SDK1: variants seen among roughly 807,000 people sequenced by gnomAD.
SDK1 encodes the protein sidekick cell adhesion molecule 1.
A neutral mutation model predicts 245.5 loss-of-function variants in SDK1; 157 were observed. That is an observed-to-expected ratio of 0.64 (90% CI 0.56 to 0.73). SDK1 has a LOEUF of 0.73. Among genes scored for constraint, SDK1 ranks in the 30% least tolerant of loss-of-function variants. The probability of loss-of-function intolerance (pLI) is 0.00; values close to 1 mark genes in which losing one functional copy is unlikely to be tolerated. For synonymous variants in SDK1, 1,647 were observed against 1,278.5 expected (o/e 1.29, Z -6.15); for missense variants, 3,583 against 3,002.3 (o/e 1.19, Z -4.52).
intron 28 of SDK1, among the ~76,000 whole-genome samples, chr7:4,137,985 G>A (rs2128203010): frequency 6.6e-6 from 1 of 152,310 alleles, no homozygotes; most frequent in African/African-American, 2.4e-5. Context: ...AACGTGTCAA[G>A]GTGAGCTATA....
At chr7:4,199,001 A>G (rs1783740535) in intron 35 of SDK1, among the ~76,000 whole-genome samples, 1 of 151,760 alleles carries the variant, frequency 6.6e-6, no homozygotes, top group Admixed American at 6.6e-5. Flanking sequence ...TTTAGTAGAG[A>G]CGGGGGTTTC....
At position 4,263,503 on chromosome 7, in the gene SDK1, G is replaced by T. The variant is rs1181108141; in HGVS notation, c.6382-1621G>T. ...GCGTAGATCTCTCCTGAGTGGGGAGGCCACGTAGACCTCTCCTGAGTGGGG... is the reference window on the plus strand; with the variant it reads ...GCGTAGATCTCTCCTGAGTGGGGAGTCCACGTAGACCTCTCCTGAGTGGGG... On this transcript the variant is annotated intron_variant, in intron 44 of 44. Coordinates refer to ENST00000404826, the MANE Select transcript of SDK1 (RefSeq NM_152744.4). 2.8e-5 allele frequency among the ~76,000 whole-genome samples: 4 copies of T among 141,170 alleles called. No individual in the cohort carries two copies. In the South Asian group the frequency reaches 9.8e-4, roughly 35 times the overall value. 92.6% of individuals were successfully genotyped at this position (141,170 alleles called of 152,430 possible).
At chr7:3,535,111 T>C (rs1425335036) in intron 1 of SDK1, among the ~76,000 whole-genome samples, 1 of 151,848 alleles carries the variant, frequency 6.6e-6, no homozygotes, top group African/African-American at 2.4e-5. Context: ...CCGTCTCTAC[T>C]TAAAAATACA....
chr7:3,517,556 G>A (rs1440029564), intron 1 of SDK1, among the ~76,000 whole-genome samples: 1 of 152,162 alleles, frequency 6.6e-6, no homozygotes, highest in Non-Finnish European at 1.5e-5. Context: ...AGCCCACAAC[G>A]ACTTAGGGAG....
intron 32 of SDK1, among the ~76,000 whole-genome samples, chr7:4,170,635 A>G (rs1384448951): frequency 6.6e-6 from 1 of 152,246 alleles, no homozygotes; most frequent in Middle Eastern, 3.4e-3. Context: ...GCCCACTCCT[A>G]GCACAAGGGA....
intron 4 of SDK1, among the ~76,000 whole-genome samples, chr7:3,647,478 T>A (rs1303478599): frequency 6.6e-6 from 1 of 152,186 alleles, no homozygotes; most frequent in Non-Finnish European, 1.5e-5. Context: ...TGGAGTGAAG[T>A]TGAAGTGGCA....
intron 4 of SDK1, among the ~76,000 whole-genome samples, chr7:3,674,918 AGGGCATTTG>A (rs1783843989): frequency 6.6e-6 from 1 of 152,174 alleles, no homozygotes. Flanking sequence ...TAGGGAGTAG[AGGGCATTTG>A]GTATCCTTCC....
At position 4,145,799 on chromosome 7, in the gene SDK1, C is replaced by A. The variant is rs1779929192; in HGVS notation, c.4306C>A (p.Gln1436Lys). The A allele has an allele frequency of 1.9e-6, 3 of 1,613,748 alleles. No homozygotes were observed. The highest frequency in any genetic ancestry group is 1.3e-5 in the African/African-American group (1 of 74,904). ...TTVEVGATVR[Q>K]FTATDLAPES... ...CGTGGAGGTCGGCGCCACAGTGAGGCAGTTCACAGCCACCGACCTGGCCCC... is the reference window on the plus strand; with the variant it reads ...CGTGGAGGTCGGCGCCACAGTGAGGAAGTTCACAGCCACCGACCTGGCCCC... Residue 1436 changes from glutamine (Q) to lysine (K), a missense_variant, in exon 29 of 45, where the codon CAG becomes AAG. Transcript: ENST00000404826.
rs146954640 is a variant in SDK1 at position 4,088,625 on chromosome 7, T to C, written c.3324+9041T>C. Among the ~76,000 whole-genome samples, 4 of 152,264 alleles carry C rather than the reference T, an allele frequency of 2.6e-5. No individual in the cohort carries two copies. The East Asian group carries it at 7.7e-4, about 29-fold the overall frequency. On this transcript the variant is annotated intron_variant, in intron 22 of 44. Transcript: ENST00000404826. ...TTTTCTCATCTATTGAGCTGCTCAT[T>C]TGGTTTTTCTGATTTCATCTGTTGG... is the stretch of plus-strand genomic sequence containing the variant.
At chr7:3,424,789 T>A (rs1351377597) in intron 1 of SDK1, among the ~76,000 whole-genome samples, 2 of 151,920 alleles carry the variant, frequency 1.3e-5, no homozygotes, top group Admixed American at 1.3e-4. Context: ...CCTAGCTGCT[T>A]GGGAGACTGA....
At chr7:3,897,371 C>G (rs1372090639) in intron 5 of SDK1, among the ~76,000 whole-genome samples, 1 of 152,140 alleles carries the variant, frequency 6.6e-6, no homozygotes, top group East Asian at 1.9e-4. Flanking sequence ...TCTCCCCTTC[C>G]CCAGCCCCTG....
intron 4 of SDK1, among the ~76,000 whole-genome samples, chr7:3,804,094 A>G (rs1020947588): frequency 6.6e-6 from 1 of 152,170 alleles, no homozygotes; most frequent in Non-Finnish European, 1.5e-5. Flanking sequence ...TCTTTCACAG[A>G]ACAAAACATT....
chr7:4,122,643 G>A (rs909747863), intron 25 of SDK1, among the ~76,000 whole-genome samples: 4 of 152,134 alleles, frequency 2.6e-5, no homozygotes, highest in African/African-American at 7.2e-5. Flanking sequence ...CTTAAAAACC[G>A]AGAGAGACCA....
At chr7:3,938,466 C>A (rs1487999419) in intron 5 of SDK1, among the ~76,000 whole-genome samples, 2 of 152,038 alleles carry the variant, frequency 1.3e-5, no homozygotes, top group East Asian at 3.9e-4. Context: ...CACGGTGAAA[C>A]CCTGTCTCTA....
intron 1 of SDK1, among the ~76,000 whole-genome samples, chr7:3,612,542 A>G (rs1781625913): frequency 6.6e-6 from 1 of 152,178 alleles, no homozygotes; most frequent in Non-Finnish European, 1.5e-5. Context: ...CATTTCTCAG[A>G]ATAGTTGTTC....
intron 13 of SDK1, among the ~76,000 whole-genome samples, chr7:3,983,036 G>T (rs1783539124): frequency 6.6e-6 from 1 of 152,154 alleles, no homozygotes; most frequent in South Asian, 2.1e-4. Flanking sequence ...AGATGTAGCT[G>T]AACTGCTGCA....
intron 4 of SDK1, among the ~76,000 whole-genome samples, chr7:3,720,779 A>G (rs1226355922): frequency 6.6e-6 from 1 of 152,258 alleles, no homozygotes; most frequent in Admixed American, 6.5e-5. Flanking sequence ...CTACGTTCAC[A>G]CAAAAACCTG....
chr7:4,239,027 G>T (rs1374670349), intron 42 of SDK1, among the ~76,000 whole-genome samples: 1 of 152,208 alleles, frequency 6.6e-6, no homozygotes, highest in Non-Finnish European at 1.5e-5. Flanking sequence ...ACTGCAGCTT[G>T]AACCTTGCCT....
At chr7:3,835,424 C>T (rs1159625682) in intron 5 of SDK1, among the ~76,000 whole-genome samples, 2 of 152,178 alleles carry the variant, frequency 1.3e-5, no homozygotes, top group African/African-American at 4.8e-5. Flanking sequence ...AACCTAATAT[C>T]AGGGACAGTG....
Sources: allele counts gnomAD v4.1 joint callset (sites outside exome capture counted in the v4.1 genomes callset), GRCh38; gene constraint gnomAD v4.1.1; transcripts MANE v1.5; gene names NCBI Gene and HGNC (gene_info 2026-07-23, HGNC 2026-07-21).